Variants in HEMK2 observed in about 807,000 individuals in gnomAD.
The protein encoded by HEMK2 is HemK methyltransferase 2, ETF1 glutamine and histone H4 lysine, also known as methyltransferase HEMK2.
the HEMK2 span, among the ~76,000 whole-genome samples, chr21:28,829,860 C>G: frequency 2.0e-5 from 3 of 152,084 alleles, no homozygotes; most frequent in Admixed American, 2.0e-4. Context: ...TTATAATGAA[C>G]GTGTTTCATT....
At chr21:28,838,947 C>CAAA in the HEMK2 span, among the ~76,000 whole-genome samples, 301 of 20,972 alleles carry the variant, frequency 0.014, 51 homozygotes, top group Non-Finnish European at 0.022. Context: ...AACTCCGCCT[C>CAAA]AAAAAAAAAA....
chr21:28,852,444 C>T, the HEMK2 span, among the ~76,000 whole-genome samples: 5 of 152,242 alleles, frequency 3.3e-5, no homozygotes, highest in South Asian at 2.1e-4. Flanking sequence ...AACTGGAGAA[C>T]GACAATGACA....
chr21:28,831,488 AAAGAAAG>A, the HEMK2 span, among the ~76,000 whole-genome samples: 1 of 69,866 alleles, frequency 1.4e-5, no homozygotes, highest in African/African-American at 7.3e-5. Flanking sequence ...AGAAAGAAAG[AAAGAAAG>A]AAAGAAAGAA....
At chr21:28,728,197 TTAAC>T in the HEMK2 span, among the ~76,000 whole-genome samples, 1 of 152,220 alleles carries the variant, frequency 6.6e-6, no homozygotes, top group Non-Finnish European at 1.5e-5. Context: ...CCTTTACAAA[TTAAC>T]TATGTAGACA....
chr21:28,715,952 C>G, the HEMK2 span, among the ~76,000 whole-genome samples: 81,663 of 151,940 alleles, frequency 0.54, 23,943 homozygotes, highest in East Asian at 0.84. Context: ...GATGATTGTA[C>G]GCAGGAGGCT....
chr21:28,880,743 A>C, the HEMK2 span, among the ~76,000 whole-genome samples: 2 of 146,474 alleles, frequency 1.4e-5, no homozygotes, highest in Non-Finnish European at 3.0e-5. Context: ...ACTGTGTCTC[A>C]AAAAAAAAAA....
chr21:28,687,105 C>A, the HEMK2 span, among the ~76,000 whole-genome samples: 10 of 152,204 alleles, frequency 6.6e-5, no homozygotes, highest in Admixed American at 1.3e-4. Context: ...TCACATTATA[C>A]CCCCTGCCAC....
At chr21:28,862,720 T>C in the HEMK2 span, among the ~76,000 whole-genome samples, 2 of 152,302 alleles carry the variant, frequency 1.3e-5, no homozygotes, top group Admixed American at 6.5e-5. Flanking sequence ...GGACTGTAAT[T>C]GTCATGAGTA....
At chr21:28,788,312 G>A in the HEMK2 span, among the ~76,000 whole-genome samples, 2 of 146,244 alleles carry the variant, frequency 1.4e-5, no homozygotes, top group East Asian at 4.1e-4. Flanking sequence ...ACATATATAT[G>A]TGTATACATA....
chr21:28,743,122 A>C, the HEMK2 span: 1 of 152,200 alleles, frequency 6.6e-6, no homozygotes, highest in Admixed American at 6.5e-5. Context: ...GTGTAGCAAC[A>C]GGAGGGATGA....
At chr21:28,845,478 T>C in the HEMK2 span, among the ~76,000 whole-genome samples, 1 of 152,230 alleles carries the variant, frequency 6.6e-6, no homozygotes, top group East Asian at 1.9e-4. Flanking sequence ...ATGCCAATTC[T>C]AATTTTACTG....
chr21:28,608,383 A>G, the HEMK2 span, among the ~76,000 whole-genome samples: 3 of 134,628 alleles, frequency 2.2e-5, no homozygotes. Flanking sequence ...ATACGTTTTC[A>G]ACTTCAAAAA....
the HEMK2 span, among the ~76,000 whole-genome samples, chr21:28,755,457 T>C: frequency 0.16 from 24,408 of 152,150 alleles, 2,241 homozygotes; most frequent in East Asian, 0.25. Context: ...CTCCCTCTCA[T>C]TACAGATTGA....
At chr21:28,820,321 A>G in the HEMK2 span, among the ~76,000 whole-genome samples, 2 of 152,182 alleles carry the variant, frequency 1.3e-5, no homozygotes, top group African/African-American at 2.4e-5. Context: ...TCATCTGCCT[A>G]AAGTCTGGAC....
At chr21:28,745,837 A>G in the HEMK2 span, among the ~76,000 whole-genome samples, 1 of 152,350 alleles carries the variant, frequency 6.6e-6, no homozygotes, top group South Asian at 2.1e-4. Context: ...CCCAGCATGT[A>G]TACAAGAACA....
At chr21:28,770,671 G>GCT in the HEMK2 span, among the ~76,000 whole-genome samples, 26,391 of 149,402 alleles carry the variant, frequency 0.18, 2,678 homozygotes, top group East Asian at 0.38. Flanking sequence ...AGCAAGTTCA[G>GCT]CTCTCTCTCT....
the HEMK2 span, among the ~76,000 whole-genome samples, chr21:28,757,425 C>T: frequency 6.6e-6 from 1 of 152,158 alleles, no homozygotes; most frequent in African/African-American, 2.4e-5. Context: ...ATTCCTCTGT[C>T]TGCTGAACAG....
At chr21:28,691,188 CT>C in the HEMK2 span, among the ~76,000 whole-genome samples, 3 of 152,234 alleles carry the variant, frequency 2.0e-5, no homozygotes, top group African/African-American at 7.2e-5. Flanking sequence ...TTGGAATACT[CT>C]TGTTAAAGAG....
the HEMK2 span, among the ~76,000 whole-genome samples, chr21:28,637,826 G>A: frequency 6.6e-6 from 1 of 152,132 alleles, no homozygotes; most frequent in African/African-American, 2.4e-5. Context: ...TACAACTGCT[G>A]TGAGTGAGAA....
Sources: gnomAD v4.1 joint callset for allele counts (sites outside exome capture counted in the v4.1 genomes callset) on GRCh38, gnomAD v4.1.1 for gene constraint, MANE v1.5 for transcripts, NCBI Gene and HGNC (gene_info 2026-07-23, HGNC 2026-07-21) for gene names.